GCNT1: variants seen among roughly 807,000 people sequenced by gnomAD.
GCNT1 encodes glucosaminyl (N-acetyl) transferase 1, also known as beta-1,3-galactosyl-O-glycosyl-glycoprotein beta-1,6-N-acetylglucosaminyltransferase.
In GCNT1, 16 loss-of-function variants were observed where a neutral mutation model predicts 26.2. The observed-to-expected ratio is 0.61, with a 90% CI of 0.41 to 0.93. GCNT1 has a LOEUF of 0.93. Ranked by LOEUF, GCNT1 falls within the 40% of genes least tolerant of loss-of-function variation. GCNT1 has a pLI of 0.00. For synonymous variants in GCNT1, 183 were observed against 190.8 expected (o/e 0.96, Z 0.34); for missense variants, 477 against 526.7 (o/e 0.91, Z 0.92).
chr9:76,435,135 T>C (rs541655418), intron 1 of GCNT1, among the ~76,000 whole-genome samples: 1 of 152,280 alleles, frequency 6.6e-6, no homozygotes, highest in African/African-American at 2.4e-5. Flanking sequence ...TTGTTCTCCC[T>C]TTTTCCCTTT....
chr9:76,482,201 G>A (rs56166450), intron 2 of GCNT1, among the ~76,000 whole-genome samples: 6,982 of 152,112 alleles, frequency 0.046, 173 homozygotes, highest in East Asian at 0.11. Context: ...TCCCAACAAA[G>A]AGTTGTACTT....
At chr9:76,492,981 T>A (rs1392034814) in intron 2 of GCNT1, among the ~76,000 whole-genome samples, 1 of 152,194 alleles carries the variant, frequency 6.6e-6, no homozygotes, top group African/African-American at 2.4e-5. Flanking sequence ...CATCTGCAGC[T>A]GATTGGGTAA....
chr9:76,471,052 A>C (rs1262130606), intron 2 of GCNT1, among the ~76,000 whole-genome samples: 1 of 152,226 alleles, frequency 6.6e-6, no homozygotes. Context: ...TATGCTAACC[A>C]ACACAGTCCT....
At chr9:76,400,710 C>T in the GCNT1 span, among the ~76,000 whole-genome samples, 1 of 152,146 alleles carries the variant, frequency 6.6e-6, no homozygotes, top group Non-Finnish European at 1.5e-5. Flanking sequence ...GGCCAGAGAG[C>T]AAGGGAACCC....
intron 1 of GCNT1, among the ~76,000 whole-genome samples, chr9:76,452,904 GC>G (rs1219154827): frequency 1.3e-5 from 2 of 152,108 alleles, no homozygotes; most frequent in African/African-American, 4.8e-5. Flanking sequence ...TTACCTACCT[GC>G]CAGCCCACAG....
At chr9:76,404,101 C>T in the GCNT1 span, among the ~76,000 whole-genome samples, 1 of 152,070 alleles carries the variant, frequency 6.6e-6, no homozygotes, top group Admixed American at 6.6e-5. Context: ...CCATGACAGC[C>T]GTCTGTCTTA....
chr9:76,484,119 G>T (rs768268406), intron 2 of GCNT1, among the ~76,000 whole-genome samples: 9 of 152,192 alleles, frequency 5.9e-5, no homozygotes, highest in Non-Finnish European at 1.3e-4. Flanking sequence ...GGTGGCTCAC[G>T]CCTGTAATCC....
chr9:76,504,506 C>G lies in GCNT1; in HGVS notation c.*838C>G, dbSNP rs1055356003. The G allele has an allele frequency of 2.3e-5, 8 of 355,238 alleles. No individual in the cohort carries two copies. The highest frequency in any genetic ancestry group is 1.7e-4 in the African/African-American group (8 of 47,488). The allele number at this position is 355,238 out of a possible 1,614,324, so 22.0% of individuals were successfully genotyped here. On this transcript the variant is annotated 3_prime_UTR_variant, in exon 4 of 4. Transcript: ENST00000376730. ...TGTAAAAATTTACTTTCACTGGACCCTAAATTATTGTCTCTGCTATCTGAC... is the reference window on the plus strand; with the variant it reads ...TGTAAAAATTTACTTTCACTGGACCGTAAATTATTGTCTCTGCTATCTGAC...
At chr9:76,486,091 G>T (rs906257200) in intron 2 of GCNT1, among the ~76,000 whole-genome samples, 30 of 152,174 alleles carry the variant, frequency 2.0e-4, no homozygotes, top group African/African-American at 6.3e-4. Flanking sequence ...GATTATGTGA[G>T]TTTGAAGCCT....
chr9:76,406,020 G>A, the GCNT1 span, among the ~76,000 whole-genome samples: 1 of 152,214 alleles, frequency 6.6e-6, no homozygotes, highest in Admixed American at 6.5e-5. Context: ...CAATTAAGGA[G>A]AGCTCCTGTT....
At chr9:76,458,175 A>ATTTTTTTTTT (rs779648273), upstream of GCNT1, among the ~76,000 whole-genome samples, 1 of 76,220 alleles carries the variant, frequency 1.3e-5, no homozygotes, top group Non-Finnish European at 2.3e-5. Flanking sequence ...TCTGAGTTGG[A>ATTTTTTTTTT]TTTTTTTTTT....
At position 76,442,478 on chromosome 9, in the gene GCNT1, C is replaced by T. The variant is rs3003605; in HGVS notation, c.-290+163C>T. On this transcript the variant is annotated intron_variant, in intron 1 of 2. Coordinates refer to the GCNT1 transcript ENST00000442371. ...GGCGGATCACTTGAGGTCAGGAGTT[C>T]GAGACCAGCCTGGCCAACATGGCAA... Among the ~76,000 whole-genome samples the T allele has an allele frequency of 5.3e-5, 8 of 151,910 alleles. No homozygotes were observed. The South Asian group carries it at 6.2e-4, about 12-fold the overall frequency.
At chr9:76,498,921 CTG>C (rs1491464895) in intron 2 of GCNT1, among the ~76,000 whole-genome samples, 1 of 151,712 alleles carries the variant, frequency 6.6e-6, no homozygotes. Flanking sequence ...ATAAATTTGT[CTG>C]TATATATATA....
In GCNT1 at chr9:76,502,658, T is replaced by G; in HGVS notation, c.277T>G (p.Tyr93Asp). Residue 93 changes from tyrosine to aspartate, a missense_variant, in exon 4 of 4, where the codon TAT becomes GAT. Transcript: ENST00000376730. ...KKRPRWTPDD[Y>D]INMTSDCSSF... ...GCGCCCTCGGTGGACACCTGACGAC[T>G]ATATAAACATGACCAGTGACTGTTC... 6.2e-7 allele frequency: 1 copy of G among 1,614,162 alleles called. No homozygotes were observed. Among genetic ancestry groups the G allele is most frequent in the Non-Finnish European group, 8.5e-7 (1 of 1,179,998 alleles).
In GCNT1 at chr9:76,427,270, T is replaced by C. The variant is rs150487024; in HGVS notation, n.38+7383T>C. On this transcript the variant is annotated intron_variant and non_coding_transcript_variant, in intron 1 of 3. Coordinates refer to the GCNT1 transcript ENST00000488136. ...GGAGTGTAGTGGCACAGTCTTGGCT[T>C]ACTGCAGCCTTGACGTTCTGGGCTC... 2.6e-3 allele frequency among the ~76,000 whole-genome samples: 397 copies of C among 151,498 alleles called. 2 individuals carry two copies. Among genetic ancestry groups the C allele is most frequent in the African/African-American group, 9.3e-3 (383 of 41,276 alleles).
At chr9:76,403,260 G>A in the GCNT1 span, among the ~76,000 whole-genome samples, 2 of 152,274 alleles carry the variant, frequency 1.3e-5, no homozygotes, top group Admixed American at 6.5e-5. Context: ...AGGGTGTGAT[G>A]ATTACTAATT....
chr9:76,459,509 T>A (rs192986925), intron 1 of GCNT1, among the ~76,000 whole-genome samples: 171 of 152,072 alleles, frequency 1.1e-3, no homozygotes, highest in Non-Finnish European at 1.8e-3. Flanking sequence ...TCATTTTCCG[T>A]CCGCTCAGTG....
At chr9:76,442,287 C>T (rs564372500) in exon 1 of GCNT1, 3 of 152,372 alleles carry the variant, frequency 2.0e-5, no homozygotes, top group African/African-American at 7.2e-5. Flanking sequence ...GCCAGTGAGA[C>T]CTGCTTCAGA....
chr9:76,396,520 AGAG>A, the GCNT1 span, among the ~76,000 whole-genome samples: 1 of 152,126 alleles, frequency 6.6e-6, no homozygotes, highest in South Asian at 2.1e-4. Context: ...AAAGAAAAGA[AGAG>A]GAGAAAATAA....
Sources: allele counts gnomAD v4.1 joint callset (sites outside exome capture counted in the v4.1 genomes callset), GRCh38; gene constraint gnomAD v4.1.1; transcripts MANE v1.5; gene names NCBI Gene and HGNC (gene_info 2026-07-23, HGNC 2026-07-21).